The following TRERF1 variants were observed in gnomAD, a reference collection of about 807,000 sequenced individuals.
TRERF1 encodes transcriptional regulating factor 1, also known as transcriptional-regulating factor 1.
Under a neutral mutation model 122.9 loss-of-function variants are expected in TRERF1, and 27 were observed. The observed-to-expected ratio is 0.22, with a 90% CI of 0.16 to 0.30. TRERF1 has a LOEUF of 0.30. Among genes scored for constraint, TRERF1 ranks in the 10% least tolerant of loss-of-function variants. TRERF1 has a pLI of 1.00. For synonymous variants in TRERF1, 636 were observed against 641.7 expected (o/e 0.99, Z 0.13); for missense variants, 1,248 against 1,560.3 (o/e 0.80, Z 3.37).
chr6:42,320,026 C>T (rs999196665), intron 3 of TRERF1, among the ~76,000 whole-genome samples: 8 of 151,714 alleles, frequency 5.3e-5, no homozygotes, highest in Non-Finnish European at 8.8e-5. Flanking sequence ...TTCAGCCTCC[C>T]GAATAGCTGG....
intron 2 of TRERF1, among the ~76,000 whole-genome samples, chr6:42,369,221 G>A (rs980806809): frequency 9.9e-5 from 15 of 152,122 alleles, no homozygotes; most frequent in Admixed American, 1.3e-4. Flanking sequence ...AGGCCAAGGC[G>A]GGTGGATCAC....
chr6:42,396,689 G>A (rs894771598), intron 2 of TRERF1, among the ~76,000 whole-genome samples: 1 of 152,162 alleles, frequency 6.6e-6, no homozygotes, highest in Non-Finnish European at 1.5e-5. Context: ...TTTCTTGTCT[G>A]TACAGGGTGT....
Position 42,228,715 on chromosome 6 carries a change from G to T in TRERF1, c.3279-46C>A. On this transcript the variant is annotated intron_variant, in intron 17 of 17. Transcript: ENST00000372922. This position sits in a 1 kb window ranked among gnomAD's most constrained non-coding sequence, Gnocchi z 4.2. ...GTGTGTAGAATTTAGAAGGAGATCT[G>T]AGTTCTTGGAAATCCAGGTGTCCTA... The T allele has an allele frequency of 6.6e-7, 1 of 1,524,780 alleles. No homozygotes were observed. The highest frequency in any genetic ancestry group is 1.3e-5 in the South Asian group (1 of 76,696). The allele number at this position is 1,524,780 out of a possible 1,614,324, so 94.5% of individuals were successfully genotyped here.
At chr6:42,415,976 T>C (rs1582097714) in intron 2 of TRERF1, among the ~76,000 whole-genome samples, 2 of 152,242 alleles carry the variant, frequency 1.3e-5, no homozygotes, top group Non-Finnish European at 1.5e-5. Flanking sequence ...ATTTTTCTCT[T>C]TAAGTCTTTT....
chr6:42,244,764 CA>C (rs1210588991), intron 14 of TRERF1, among the ~76,000 whole-genome samples: 1 of 152,176 alleles, frequency 6.6e-6, no homozygotes, highest in Non-Finnish European at 1.5e-5. Flanking sequence ...GAATATAAGG[CA>C]AAAGTTATGA....
Position 42,237,874 on chromosome 6 carries a change from C to T in TRERF1, c.2860-1463G>A, listed in dbSNP as rs115896440. On this transcript the variant is annotated intron_variant, in intron 15 of 17. Transcript: ENST00000372922. ...TATTGTCCTTATTTAATATCACATA[C>T]ATGTATACTTGCGATGCAGTATGAA... Among the ~76,000 whole-genome samples the T allele has an allele frequency of 7.3e-3, 1,105 of 152,272 alleles. 15 individuals carry two copies. Among genetic ancestry groups the T allele is most frequent in the African/African-American group, 0.025 (1,028 of 41,544 alleles).
chr6:42,279,349 C>T (rs535429172), intron 4 of TRERF1, among the ~76,000 whole-genome samples: 46 of 152,130 alleles, frequency 3.0e-4, no homozygotes, highest in Non-Finnish European at 5.9e-4. Context: ...GGACTTCAGC[C>T]AAACAAAGGA....
intron 2 of TRERF1, among the ~76,000 whole-genome samples, chr6:42,383,363 T>C (rs1328821652): frequency 2.6e-5 from 4 of 152,242 alleles, no homozygotes; most frequent in Non-Finnish European, 5.9e-5. Context: ...GTCACTATCA[T>C]GCCTCTTTCC....
chr6:42,371,210 C>T (rs1773704618), intron 2 of TRERF1, among the ~76,000 whole-genome samples: 1 of 152,164 alleles, frequency 6.6e-6, no homozygotes, highest in Non-Finnish European at 1.5e-5. Context: ...AAGTAAAAGG[C>T]ATTCAGGATA....
chr6:42,271,978 G>A (rs1013106704), intron 4 of TRERF1, among the ~76,000 whole-genome samples: 18 of 152,296 alleles, frequency 1.2e-4, no homozygotes, highest in Middle Eastern at 3.4e-3. Flanking sequence ...GTGTTCATGC[G>A]TTTTTAAAAT....
chr6:42,292,729 A>G (rs1784504281), intron 4 of TRERF1, among the ~76,000 whole-genome samples: 1 of 152,194 alleles, frequency 6.6e-6, no homozygotes, highest in Non-Finnish European at 1.5e-5. Flanking sequence ...AGACCCCCGA[A>G]GAGGAAATGA....
At chr6:42,369,389 A>C (rs1001319616) in intron 2 of TRERF1, among the ~76,000 whole-genome samples, 1 of 152,292 alleles carries the variant, frequency 6.6e-6, no homozygotes, top group East Asian at 1.9e-4. Context: ...GGTTGCAATG[A>C]GCCAAGATCA....
intron 2 of TRERF1, among the ~76,000 whole-genome samples, chr6:42,422,383 T>C (rs948464356): frequency 6.6e-6 from 1 of 150,888 alleles, no homozygotes; most frequent in Non-Finnish European, 1.5e-5. Flanking sequence ...CCAAGTATGG[T>C]GGCGTATGCC....
chr6:42,235,303 T>G (rs1423830953), intron 16 of TRERF1, among the ~76,000 whole-genome samples: 1 of 152,216 alleles, frequency 6.6e-6, no homozygotes, highest in African/African-American at 2.4e-5. Flanking sequence ...AACATTATTT[T>G]GAGGGGTAAT....
intron 3 of TRERF1, among the ~76,000 whole-genome samples, chr6:42,331,123 G>A (rs773268138): frequency 2.6e-5 from 4 of 152,162 alleles, no homozygotes; most frequent in Non-Finnish European, 5.9e-5. Context: ...ATTCAAAGAC[G>A]GTAGATTGAA....
intron 3 of TRERF1, among the ~76,000 whole-genome samples, chr6:42,312,371 T>C (rs912611769): frequency 6.6e-6 from 1 of 152,186 alleles, no homozygotes; most frequent in African/African-American, 2.4e-5. Context: ...TACGGAGTCT[T>C]TCTCAGAAGC....
chr6:42,436,011 G>T (rs965628271), intron 2 of TRERF1, among the ~76,000 whole-genome samples: 1 of 151,686 alleles, frequency 6.6e-6, no homozygotes, highest in Non-Finnish European at 1.5e-5. Context: ...TAAGTTATGG[G>T]ACCCAGTGCC....
intron 2 of TRERF1, among the ~76,000 whole-genome samples, chr6:42,444,902 T>C (rs913108671): frequency 6.6e-6 from 1 of 152,094 alleles, no homozygotes; most frequent in Non-Finnish European, 1.5e-5. Flanking sequence ...CTCCCAACTC[T>C]CTCCAGTCGT....
At chr6:42,437,148 G>A (rs1369397278) in intron 2 of TRERF1, among the ~76,000 whole-genome samples, 14 of 152,080 alleles carry the variant, frequency 9.2e-5, no homozygotes, top group African/African-American at 3.1e-4. Flanking sequence ...GGAGGTTCAG[G>A]AAGGTGAAGT....
Sources: gnomAD v4.1 joint callset for allele counts (sites outside exome capture counted in the v4.1 genomes callset) on GRCh38, gnomAD v4.1.1 for gene constraint, Gnocchi (gnomAD v3.1) non-coding constraint, MANE v1.5 for transcripts, NCBI Gene and HGNC (gene_info 2026-07-23, HGNC 2026-07-21) for gene names.